RNF150: variants seen among roughly 807,000 people sequenced by gnomAD.
The protein encoded by RNF150 is ring finger protein 150.
Under a neutral mutation model 39.3 loss-of-function variants are expected in RNF150, and 24 were observed. The observed-to-expected ratio is 0.61, with a 90% CI of 0.44 to 0.86. RNF150 has a LOEUF of 0.86. RNF150 is among the 40% of genes least tolerant of loss of function. The pLI, the probability that RNF150 is intolerant of heterozygous loss-of-function variation, is 0.00. For synonymous variants in RNF150, 255 were observed against 227.3 expected (o/e 1.12, Z -1.10); for missense variants, 502 against 587.8 (o/e 0.85, Z 1.51).
chr4:140,916,329 C>T (rs1262625775), intron 5 of RNF150, among the ~76,000 whole-genome samples: 1 of 152,152 alleles, frequency 6.6e-6, no homozygotes, highest in Non-Finnish European at 1.5e-5. Context: ...ACTAGAATAA[C>T]CAATGCAGAG....
intron 1 of RNF150, among the ~76,000 whole-genome samples, chr4:141,021,260 G>A (rs1206396225): frequency 6.6e-6 from 1 of 152,134 alleles, no homozygotes; most frequent in Admixed American, 6.5e-5. Flanking sequence ...GCTAAAAATA[G>A]GACAATGCAA....
intron 2 of RNF150, among the ~76,000 whole-genome samples, chr4:140,954,277 G>T (rs918111742): frequency 1.3e-5 from 2 of 152,026 alleles, no homozygotes; most frequent in African/African-American, 4.8e-5. Flanking sequence ...GCAATGGCGT[G>T]AATCTTGGCT....
chr4:141,189,398 G>C (rs964002127), intron 1 of RNF150, among the ~76,000 whole-genome samples: 3 of 152,200 alleles, frequency 2.0e-5, no homozygotes, highest in Non-Finnish European at 4.4e-5. Context: ...TGAGGAGGCA[G>C]TCTGTCCCTT....
chr4:141,202,897 AAT>A (rs990004413), intron 1 of RNF150, among the ~76,000 whole-genome samples: 3 of 152,026 alleles, frequency 2.0e-5, no homozygotes, highest in Admixed American at 2.0e-4. Flanking sequence ...TGCTATAAAG[AAT>A]AGAGTGGCAA....
At chr4:140,930,069 G>C (rs1400710458) in intron 4 of RNF150, among the ~76,000 whole-genome samples, 1 of 152,186 alleles carries the variant, frequency 6.6e-6, no homozygotes. Context: ...GCTGACATGG[G>C]AGAATTGCTT....
In RNF150 at chr4:141,055,933, A is replaced by C. The variant is rs370499560; in HGVS notation, c.484+76392T>G. Among the ~76,000 whole-genome samples the C allele has an allele frequency of 2.6e-4, 39 of 152,310 alleles. No individual in the cohort carries two copies. In the East Asian group the frequency reaches 4.2e-3, roughly 17 times the overall value. On this transcript the variant is annotated intron_variant, in intron 1 of 6. Coordinates refer to ENST00000515673, the MANE Select transcript of RNF150 (RefSeq NM_020724.2). Reference sequence around the variant, plus strand: ...CAGGTGTGCACTTTGAAAATAGTGGAGTGCATGTTATGTCAGCATTTATTA... The same window carrying C: ...CAGGTGTGCACTTTGAAAATAGTGGCGTGCATGTTATGTCAGCATTTATTA...
At chr4:141,102,130 T>C (rs1235288679) in intron 1 of RNF150, among the ~76,000 whole-genome samples, 1 of 152,222 alleles carries the variant, frequency 6.6e-6, no homozygotes, top group African/African-American at 2.4e-5. Flanking sequence ...TGGTTTTTCA[T>C]GGACCAAAAT....
At position 140,934,990 on chromosome 4, in the gene RNF150, AATAT is replaced by A. The variant is rs67090768; in HGVS notation, c.891-8921_891-8918del. Among the ~76,000 whole-genome samples the A allele has an allele frequency of 6.5e-3, 787 of 120,802 alleles. 7 individuals are homozygous for A. Among genetic ancestry groups the A allele is most frequent in the African/African-American group, 9.1e-3 (288 of 31,500 alleles). The allele number at this position is 120,802 out of a possible 152,430, so 79.3% of individuals were successfully genotyped here. On this transcript the variant is annotated intron_variant, in intron 4 of 6. Coordinates refer to ENST00000515673, the MANE Select transcript of RNF150 (RefSeq NM_020724.2). ...GTGCTTTTGAAAGTTAAAGTGTTATAATATATATATATATATAAATATATATATA... is the reference window on the plus strand; with the variant it reads ...GTGCTTTTGAAAGTTAAAGTGTTATAATATATATATATAAATATATATATA...
At chr4:141,028,483 T>A (rs1199994275) in intron 1 of RNF150, among the ~76,000 whole-genome samples, 2 of 152,196 alleles carry the variant, frequency 1.3e-5, no homozygotes, top group East Asian at 3.8e-4. Flanking sequence ...AATTTTGCCA[T>A]AATCGTTATA....
chr4:140,935,065 T>C (rs1475814895), intron 4 of RNF150, among the ~76,000 whole-genome samples: 1 of 63,126 alleles, frequency 1.6e-5, no homozygotes, highest in Admixed American at 1.7e-4. Context: ...ATTATATATA[T>C]ATAATATATA....
chr4:141,143,264 A>T lies in RNF150; in HGVS notation c.-6+69530T>A, dbSNP rs980738006. Among the ~76,000 whole-genome samples, 4 of 152,312 alleles carry T rather than the reference A, an allele frequency of 2.6e-5. No individual in the cohort carries two copies. In the South Asian group the frequency reaches 8.3e-4, roughly 32 times the overall value. ...TGCCTAATTTACATATCTATATTGA[A>T]GATTTATGAGTATCACAAAATTATG... On this transcript the variant is annotated intron_variant, in intron 1 of 7. Coordinates refer to the RNF150 transcript ENST00000420921.
At chr4:141,150,901 A>G (rs1368410569) in intron 1 of RNF150, among the ~76,000 whole-genome samples, 1 of 152,122 alleles carries the variant, frequency 6.6e-6, no homozygotes, top group Non-Finnish European at 1.5e-5. Context: ...AATTTTTTGT[A>G]TCATTTGATT....
chr4:140,926,776 C>T (rs976459734), intron 4 of RNF150, among the ~76,000 whole-genome samples: 8 of 152,164 alleles, frequency 5.3e-5, no homozygotes, highest in African/African-American at 1.4e-4. Flanking sequence ...CTCTGAACTT[C>T]GCTTGAAAGA....
chr4:141,018,373 C>T (rs1331738083), intron 1 of RNF150, among the ~76,000 whole-genome samples: 1 of 152,156 alleles, frequency 6.6e-6, no homozygotes, highest in Non-Finnish European at 1.5e-5. Context: ...CCCTCAACTA[C>T]ACTATACAGT....
chr4:140,919,985 T>C (rs1389722877), intron 5 of RNF150, among the ~76,000 whole-genome samples: 2 of 152,150 alleles, frequency 1.3e-5, no homozygotes, highest in South Asian at 2.1e-4. Flanking sequence ...GCTAGCCATA[T>C]GTAGAAAGCT....
At chr4:140,958,056 TAAC>T (rs1732850538) in intron 2 of RNF150, among the ~76,000 whole-genome samples, 1 of 151,876 alleles carries the variant, frequency 6.6e-6, no homozygotes, top group Non-Finnish European at 1.5e-5. Context: ...TTTAAAAAAA[TAAC>T]AAAAATAATA....
In RNF150 at chr4:141,034,079, G is replaced by A. The variant is rs528146542; in HGVS notation, c.485-66206C>T. On this transcript the variant is annotated intron_variant, in intron 1 of 6. Coordinates refer to ENST00000515673, the MANE Select transcript of RNF150 (RefSeq NM_020724.2). ...TTCTCTAGCTATGAAGGTCCTAGAT[G>A]GCACTTTCTTCCAGTGTAAGGGTGT... Among the ~76,000 whole-genome samples the A allele has an allele frequency of 9.2e-5, 14 of 152,242 alleles. No individual in the cohort carries two copies. The South Asian group carries it at 2.9e-3, about 32-fold the overall frequency.
intron 1 of RNF150, among the ~76,000 whole-genome samples, chr4:141,079,695 C>T (rs1738076253): frequency 6.6e-6 from 1 of 152,170 alleles, no homozygotes; most frequent in African/African-American, 2.4e-5. Context: ...TAAATCCTAC[C>T]ACTTATTTAC....
chr4:141,194,072 CA>C (rs952690576), intron 1 of RNF150, among the ~76,000 whole-genome samples: 1 of 152,176 alleles, frequency 6.6e-6, no homozygotes, highest in Non-Finnish European at 1.5e-5. Context: ...ATTTGAAACA[CA>C]CATATTGTAT....
Sources: gnomAD v4.1 joint callset for allele counts (sites outside exome capture counted in the v4.1 genomes callset) on GRCh38, gnomAD v4.1.1 for gene constraint, MANE v1.5 for transcripts, NCBI Gene and HGNC (gene_info 2026-07-23, HGNC 2026-07-21) for gene names.